SLC30A10: variants seen among roughly 807,000 people sequenced by gnomAD.
SLC30A10 encodes calcium/manganese antiporter SLC30A10.
A neutral mutation model predicts 21.7 loss-of-function variants in SLC30A10; 8 were observed. The observed-to-expected ratio is 0.37, with a 90% CI of 0.22 to 0.67. The LOEUF (loss-of-function observed/expected upper bound fraction) is 0.67. SLC30A10 is among the 30% of genes least tolerant of loss of function. The pLI, the probability that SLC30A10 is intolerant of heterozygous loss-of-function variation, is 0.58. For synonymous variants in SLC30A10, 272 were observed against 279.4 expected (o/e 0.97, Z 0.26); for missense variants, 521 against 642.5 (o/e 0.81, Z 2.04).
At chr1:219,928,965 C>A (rs1659920671), upstream of SLC30A10, among the ~76,000 whole-genome samples, 1 of 152,230 alleles carries the variant, frequency 6.6e-6, no homozygotes, top group Non-Finnish European at 1.5e-5. The surrounding 1 kb of genome is among the most constrained non-coding windows in gnomAD (Gnocchi z 6.3). Context: ...CCTTCGCGTA[C>A]GTGCCCATAG....
chr1:219,936,237 C>T (rs1050447642), intron 1 of SLC30A10, among the ~76,000 whole-genome samples: 1 of 152,062 alleles, frequency 6.6e-6, no homozygotes, highest in African/African-American at 2.4e-5. Context: ...CCTCATACTA[C>T]TTAGTGTATC....
intron 1 of SLC30A10, among the ~76,000 whole-genome samples, chr1:219,941,251 AAAC>A (rs1400517832): frequency 3.9e-5 from 6 of 152,246 alleles, no homozygotes; most frequent in Non-Finnish European, 5.9e-5. Context: ...CATAAAGCAG[AAAC>A]AACAAGACAA....
chr1:219,939,432 CT>C (rs376838766), intron 1 of SLC30A10, among the ~76,000 whole-genome samples: 26 of 150,632 alleles, frequency 1.7e-4, no homozygotes, highest in African/African-American at 6.1e-4. Context: ...CTTTTTTTTC[CT>C]TTTTTTTTCT....
At chr1:219,924,236 G>A (rs1203968599) in intron 2 of SLC30A10, among the ~76,000 whole-genome samples, 1 of 152,160 alleles carries the variant, frequency 6.6e-6, no homozygotes, top group Non-Finnish European at 1.5e-5. Flanking sequence ...TTGCTTAAAT[G>A]TTAGAAATAT....
chr1:219,922,024 G>A (rs1197342372), intron 2 of SLC30A10, among the ~76,000 whole-genome samples: 1 of 151,706 alleles, frequency 6.6e-6, no homozygotes, highest in Non-Finnish European at 1.5e-5. Flanking sequence ...CACAATCATA[G>A]CTCACTCCAA....
At chr1:219,931,727 C>T (rs1364203565), upstream of SLC30A10, among the ~76,000 whole-genome samples, 6 of 152,136 alleles carry the variant, frequency 3.9e-5, no homozygotes, top group East Asian at 1.9e-4. Flanking sequence ...ATGATCTGCC[C>T]GCCTTGACCT....
At chr1:219,934,199 A>G (rs532432025) in intron 1 of SLC30A10, among the ~76,000 whole-genome samples, 19 of 152,296 alleles carry the variant, frequency 1.2e-4, no homozygotes, top group African/African-American at 4.6e-4. Context: ...GAGGCAGGAG[A>G]ATGGCGTGAA....
chr1:219,933,057 G>A (rs543300242), upstream of SLC30A10, among the ~76,000 whole-genome samples: 112 of 132,352 alleles, frequency 8.5e-4, no homozygotes, highest in Middle Eastern at 3.7e-3. Flanking sequence ...GCAAAACTCC[G>A]TCTAAAAAAA....
intron 1 of SLC30A10, among the ~76,000 whole-genome samples, chr1:219,943,924 C>T (rs1660150766): frequency 6.6e-6 from 1 of 151,458 alleles, no homozygotes; most frequent in Non-Finnish European, 1.5e-5. Context: ...ATGATGAAAC[C>T]CCGTCTCTAC....
intron 2 of SLC30A10, among the ~76,000 whole-genome samples, chr1:219,923,661 G>A (rs1659749236): frequency 6.6e-6 from 1 of 152,178 alleles, no homozygotes; most frequent in Non-Finnish European, 1.5e-5. Flanking sequence ...CATCATGTTT[G>A]ATCCTATTAA....
Position 219,928,263 on chromosome 1 carries a change from T to C in SLC30A10, c.178A>G (p.Ile60Val). The C allele has an allele frequency of 6.3e-7, 1 of 1,590,936 alleles. No individual in the cohort carries two copies. Among genetic ancestry groups the C allele is most frequent in the East Asian group, 2.3e-5 (1 of 43,928 alleles). ...SLCVGLSAGY[I>V]ARRPTRGFSA... Reference sequence around the variant, plus strand: ...AAGCCCCGGGTGGGGCGCCGGGCGATGTAGCCGGCGCTCAGGCCCACGCAC... The same window carrying C: ...AAGCCCCGGGTGGGGCGCCGGGCGACGTAGCCGGCGCTCAGGCCCACGCAC... The change falls in exon 1 of 4, where the codon ATC (isoleucine) becomes GTC (valine). Residue 60 changes from isoleucine (I) to valine (V), a missense_variant. Transcript: ENST00000366926. The surrounding 1 kb of genome is among the most constrained non-coding windows in gnomAD (Gnocchi z 6.3).
At chr1:219,937,728 G>A (rs1293247241) in intron 1 of SLC30A10, among the ~76,000 whole-genome samples, 12 of 152,216 alleles carry the variant, frequency 7.9e-5, no homozygotes, top group East Asian at 1.9e-4. Context: ...CACAAGAATC[G>A]CTTGAACCTG....
chr1:219,950,778 C>G (rs955842267), intron 1 of SLC30A10, among the ~76,000 whole-genome samples: 1 of 151,652 alleles, frequency 6.6e-6, no homozygotes, highest in Non-Finnish European at 1.5e-5. Context: ...GAAACCCCAT[C>G]TCTACTAAAA....
intron 1 of SLC30A10, among the ~76,000 whole-genome samples, chr1:219,937,240 A>T (rs1306107219): frequency 6.6e-6 from 1 of 152,180 alleles, no homozygotes; most frequent in East Asian, 1.9e-4. Flanking sequence ...ATTTGTCCTC[A>T]GGCTTTTTCT....
intron 1 of SLC30A10, among the ~76,000 whole-genome samples, chr1:219,947,349 T>G (rs1160273687): frequency 1.3e-5 from 2 of 152,006 alleles, no homozygotes; most frequent in African/African-American, 4.8e-5. Context: ...GGCAACATGG[T>G]AAGACCCCCA....
At chr1:219,922,287 G>A (rs1199130307) in intron 2 of SLC30A10, among the ~76,000 whole-genome samples, 4 of 130,786 alleles carry the variant, frequency 3.1e-5, no homozygotes, top group African/African-American at 1.1e-4. Flanking sequence ...CTGGCCTCAA[G>A]TAATCCTCTT....
chr1:219,934,124 T>C lies in SLC30A10; in HGVS notation n.81-7019A>G, dbSNP rs867607284. 9.2e-5 allele frequency among the ~76,000 whole-genome samples: 14 copies of C among 152,312 alleles called. No individual in the cohort carries two copies. In the Middle Eastern group the frequency reaches 0.01, roughly 111 times the overall value. On this transcript the variant is annotated intron_variant and non_coding_transcript_variant, in intron 1 of 8. Transcript: ENST00000484239. ...TAACACGGTGAAACCTCGTCTGTAC[T>C]AAAAATACAAAAATTTAGCCAGGCG...
At position 219,918,237 on chromosome 1, in the gene SLC30A10, A is replaced by C; in HGVS notation, c.958+18T>G. ...ATTAAATTGAGAGTGGTTCTGGATC[A>C]AAATTCAGTCTACTTACTCAGCTCT... On this transcript the variant is annotated intron_variant, in intron 3 of 3. Coordinates refer to ENST00000366926, the MANE Select transcript of SLC30A10 (RefSeq NM_018713.3). The surrounding 1 kb of genome is among the most constrained non-coding windows in gnomAD (Gnocchi z 4.4). 2 of 1,611,882 alleles carry C rather than the reference A, an allele frequency of 1.2e-6. No homozygotes were observed.
At chr1:219,922,174 G>GTGTGTGTGTGTTTTTGT (rs1558252048) in intron 2 of SLC30A10, among the ~76,000 whole-genome samples, 1 of 18,218 alleles carries the variant, frequency 5.5e-5, no homozygotes, top group African/African-American at 2.2e-4. Context: ...GTGTGTGTGT[G>GTGTGTGTGTGTTTTTGT]TGTTTTTTTT....
Sources: allele counts gnomAD v4.1 joint callset (sites outside exome capture counted in the v4.1 genomes callset), GRCh38; gene constraint gnomAD v4.1.1; non-coding constraint Gnocchi (gnomAD v3.1); transcripts MANE v1.5; gene names NCBI Gene and HGNC (gene_info 2026-07-23, HGNC 2026-07-21).